The following CACNA2D3 variants were observed in gnomAD, a reference collection of about 807,000 sequenced individuals.
CACNA2D3 encodes calcium voltage-gated channel auxiliary subunit alpha2delta 3.
A neutral mutation model predicts 160.6 loss-of-function variants in CACNA2D3; 60 were observed. The ratio of observed to expected loss-of-function variants is 0.37; its 90% CI spans 0.30 to 0.46. The LOEUF (loss-of-function observed/expected upper bound fraction) is 0.46. CACNA2D3 is among the 20% of genes least tolerant of loss of function. CACNA2D3 has a pLI of 1.00. For synonymous variants in CACNA2D3, 558 were observed against 492.9 expected (o/e 1.13, Z -1.75); for missense variants, 1,205 against 1,365.0 (o/e 0.88, Z 1.85).
intron 5 of CACNA2D3, among the ~76,000 whole-genome samples, chr3:54,520,928 C>T (rs1312412232): frequency 6.6e-6 from 1 of 152,122 alleles, no homozygotes; most frequent in Admixed American, 6.5e-5. Flanking sequence ...TCCATTTGTA[C>T]CATATATCAG....
At chr3:54,513,240 C>A (rs1332436370) in intron 5 of CACNA2D3, among the ~76,000 whole-genome samples, 2 of 152,108 alleles carry the variant, frequency 1.3e-5, no homozygotes, top group African/African-American at 4.8e-5. Context: ...TAAAGAAAAT[C>A]TTTTCATTTT....
intron 27 of CACNA2D3, among the ~76,000 whole-genome samples, chr3:54,900,578 G>C (rs12108023): frequency 0.031 from 4,772 of 152,284 alleles, 251 homozygotes; most frequent in African/African-American, 0.11. Flanking sequence ...GGTGTGTCTG[G>C]CACATGGTTT....
intron 5 of CACNA2D3, among the ~76,000 whole-genome samples, chr3:54,553,087 C>G (rs989633111): frequency 9.2e-5 from 14 of 152,150 alleles, no homozygotes; most frequent in Admixed American, 3.3e-4. Flanking sequence ...CCCTCTGGTC[C>G]CAGGGCTGCC....
intron 13 of CACNA2D3, among the ~76,000 whole-genome samples, chr3:54,770,498 G>A (rs551163784): frequency 2.0e-5 from 3 of 152,190 alleles, no homozygotes; most frequent in African/African-American, 7.2e-5. Flanking sequence ...CTCAAAAACC[G>A]TGTTTATGCA....
intron 1 of CACNA2D3, among the ~76,000 whole-genome samples, chr3:54,123,055 A>C (rs1333166741): frequency 1.3e-5 from 2 of 151,994 alleles, no homozygotes; most frequent in Non-Finnish European, 2.9e-5. Flanking sequence ...GGAGAGGCTC[A>C]CCTCAAGTGA....
intron 35 of CACNA2D3, among the ~76,000 whole-genome samples, chr3:55,072,250 C>G (rs569519505): frequency 6.6e-6 from 1 of 152,168 alleles, no homozygotes; most frequent in Non-Finnish European, 1.5e-5. Flanking sequence ...GTGAACATAA[C>G]TGTGGAATAT....
intron 11 of CACNA2D3, among the ~76,000 whole-genome samples, chr3:54,648,714 A>C (rs995210206): frequency 1.3e-5 from 2 of 152,254 alleles, no homozygotes; most frequent in Admixed American, 1.3e-4. Flanking sequence ...CTGGATGTAC[A>C]AGAAATATGG....
chr3:54,285,972 A>T (rs1320466341), intron 2 of CACNA2D3, among the ~76,000 whole-genome samples: 3 of 152,298 alleles, frequency 2.0e-5, no homozygotes, highest in South Asian at 2.1e-4. Context: ...AACCACAAAG[A>T]TGGGGAAAAA....
intron 9 of CACNA2D3, among the ~76,000 whole-genome samples, chr3:54,618,344 G>GATACATACATAC (rs750547637): frequency 2.5e-4 from 6 of 24,238 alleles, no homozygotes; most frequent in East Asian, 1.1e-3. Flanking sequence ...AATTGATGTT[G>GATACATACATAC]ATACATACAT....
intron 4 of CACNA2D3, among the ~76,000 whole-genome samples, chr3:54,470,654 C>G (rs1700713981): frequency 1.3e-5 from 2 of 152,042 alleles, no homozygotes; most frequent in Admixed American, 6.6e-5. Flanking sequence ...TGGGTAGAGT[C>G]AAGACCCTTC....
At chr3:54,951,913 A>G (rs1354994483) in intron 27 of CACNA2D3, among the ~76,000 whole-genome samples, 1 of 152,028 alleles carries the variant, frequency 6.6e-6, no homozygotes, top group Non-Finnish European at 1.5e-5. Flanking sequence ...CAGTGACGCG[A>G]TCTCGGCTCA....
intron 2 of CACNA2D3, among the ~76,000 whole-genome samples, chr3:54,305,386 C>T (rs942448519): frequency 2.0e-5 from 3 of 152,222 alleles, no homozygotes; most frequent in African/African-American, 4.8e-5. Flanking sequence ...TTTCCTCAGT[C>T]CATTTGAGAA....
intron 4 of CACNA2D3, among the ~76,000 whole-genome samples, chr3:54,444,031 C>CAAGG (rs1210183663): frequency 6.6e-6 from 1 of 152,148 alleles, no homozygotes; most frequent in Non-Finnish European, 1.5e-5. Context: ...CCCAGCAAGG[C>CAAGG]AAGGAAGGAG....
intron 14 of CACNA2D3, among the ~76,000 whole-genome samples, chr3:54,826,639 C>T (rs1703755727): frequency 6.6e-6 from 1 of 152,120 alleles, no homozygotes; most frequent in Non-Finnish European, 1.5e-5. Flanking sequence ...GCATCTGTCC[C>T]TTCTTCCCAG....
chr3:54,684,741 A>G (rs977685191), intron 11 of CACNA2D3, among the ~76,000 whole-genome samples: 1 of 102,370 alleles, frequency 9.8e-6, no homozygotes, highest in Non-Finnish European at 2.2e-5. Flanking sequence ...ACCATTATTA[A>G]ACGTTTGTCA....
chr3:54,963,005 A>T (rs1198337238), intron 27 of CACNA2D3, among the ~76,000 whole-genome samples: 1 of 152,220 alleles, frequency 6.6e-6, no homozygotes, highest in African/African-American at 2.4e-5. Context: ...TTACACTTGA[A>T]TGCATGTCTA....
chr3:54,848,070 A>G (rs1356555769), intron 17 of CACNA2D3, among the ~76,000 whole-genome samples: 1 of 152,230 alleles, frequency 6.6e-6, no homozygotes, highest in African/African-American at 2.4e-5. Flanking sequence ...GGCAATGGAA[A>G]TGATTAGCTG....
chr3:54,598,223 G>A (rs1702993453), intron 9 of CACNA2D3, among the ~76,000 whole-genome samples: 1 of 138,918 alleles, frequency 7.2e-6, no homozygotes, highest in Non-Finnish European at 1.5e-5. Flanking sequence ...CAGGAGAATC[G>A]CTTGAACCTG....
chr3:54,502,009 G>C (rs1373812416), intron 4 of CACNA2D3, among the ~76,000 whole-genome samples: 1 of 152,118 alleles, frequency 6.6e-6, no homozygotes, highest in Non-Finnish European at 1.5e-5. Context: ...CCTTATCCCT[G>C]TTCCCCTACA....
Sources: allele counts gnomAD v4.1 joint callset (sites outside exome capture counted in the v4.1 genomes callset), GRCh38; gene constraint gnomAD v4.1.1; transcripts MANE v1.5; gene names NCBI Gene and HGNC (gene_info 2026-07-23, HGNC 2026-07-21).